ELAPOR1: variants seen among roughly 807,000 people sequenced by gnomAD.
ELAPOR1 encodes endosome-lysosome associated apoptosis and autophagy regulator 1.
In ELAPOR1, 77 loss-of-function variants were observed where a neutral mutation model predicts 119.7. That is an observed-to-expected ratio of 0.64 (90% CI 0.54 to 0.78). The LOEUF is 0.78. ELAPOR1 is among the 30% of genes least tolerant of loss of function. ELAPOR1 has a pLI of 0.00. For synonymous variants in ELAPOR1, 481 were observed against 487.2 expected (o/e 0.99, Z 0.17); for missense variants, 1,115 against 1,270.4 (o/e 0.88, Z 1.86).
intron 1 of ELAPOR1, among the ~76,000 whole-genome samples, chr1:109,137,650 T>C (rs952026764): frequency 1.3e-5 from 2 of 151,922 alleles, no homozygotes; most frequent in African/African-American, 4.8e-5. Context: ...GCCTCAGCCT[T>C]CCTAAGTAGC....
rs767204233 is a variant in ELAPOR1, at chr1:109,172,495, A to G, written c.623A>G (p.Asn208Ser). The G allele has an allele frequency of 1.6e-5, 26 of 1,613,098 alleles. No homozygotes were observed. Among genetic ancestry groups the G allele is most frequent in the Middle Eastern group, 1.6e-4 (1 of 6,084 alleles). ...SSIIFEFFVQ[N>S]DQCQPNADDS... is the part of the protein sequence containing the mutation. ...AAACTCTTTTTATGTCAGGTTCAGAATGACCAGTGCCAGCCCAATGCAGAT... is the reference window on the plus strand; with the variant it reads ...AAACTCTTTTTATGTCAGGTTCAGAGTGACCAGTGCCAGCCCAATGCAGAT... Residue 208 changes from asparagine to serine, a missense_variant, in exon 5 of 22, where the codon AAT becomes AGT. Physicochemically the swap from Asn to Ser is conservative, Grantham distance 46. Coordinates refer to ENST00000369939, the MANE Select transcript of ELAPOR1 (RefSeq NM_020775.5).
chr1:109,128,326 A>G (rs1207611097), intron 1 of ELAPOR1, among the ~76,000 whole-genome samples: 1 of 152,214 alleles, frequency 6.6e-6, no homozygotes, highest in Non-Finnish European at 1.5e-5. Flanking sequence ...TCTAATTGTA[A>G]TAAACCTGCA....
chr1:109,148,026 A>G (rs1227920393), intron 1 of ELAPOR1, among the ~76,000 whole-genome samples: 1 of 147,378 alleles, frequency 6.8e-6, no homozygotes, highest in African/African-American at 2.5e-5. Flanking sequence ...TTTAGTAGAG[A>G]TGGGGTTTCA....
intron 1 of ELAPOR1, among the ~76,000 whole-genome samples, chr1:109,126,591 C>A (rs779324535): frequency 3.9e-5 from 6 of 152,186 alleles, no homozygotes; most frequent in Non-Finnish European, 8.8e-5. Flanking sequence ...CTGCCTCAGC[C>A]TCCCGGGTAA....
At chr1:109,196,193 C>CTAGTCTT (rs1653783428) in intron 15 of ELAPOR1, among the ~76,000 whole-genome samples, 1 of 152,164 alleles carries the variant, frequency 6.6e-6, no homozygotes, top group Admixed American at 6.5e-5. Flanking sequence ...TCTTGAGCAT[C>CTAGTCTT]TAGTCTTTGA....
Position 109,200,813 on chromosome 1 carries a change from C to T in ELAPOR1, c.2886C>T (p.Ala962=), listed in dbSNP as rs767129003. The T allele has an allele frequency of 1.9e-5, 30 of 1,614,186 alleles. No individual in the cohort carries two copies. In the South Asian group the frequency reaches 2.3e-4, roughly 12 times the overall value. The change falls in exon 21 of 22, where the codon GCC becomes GCT. Residue 962 remains alanine (A), a synonymous_variant. Transcript: ENST00000369939. ...ACCTGCCAGCAGCTGACAGCTGCGC[C>T]ATCATGGAAGGCGAGGATGTAGAGG... ...DCDLPAADSC[A]IMEGEDVEDD... is the part of the protein sequence containing the mutation.
chr1:109,180,718 A>G (rs1652638212), intron 7 of ELAPOR1, among the ~76,000 whole-genome samples: 1 of 152,108 alleles, frequency 6.6e-6, no homozygotes, highest in Admixed American at 6.5e-5. Flanking sequence ...TAATCCTAAT[A>G]CTTTGGGAGG....
chr1:109,161,687 A>G, intron 1 of ELAPOR1: 1 of 484,906 alleles, frequency 2.1e-6, no homozygotes, highest in Non-Finnish European at 3.8e-6. Flanking sequence ...ATTTCTAGGG[A>G]CTAGACCATG....
rs568753417 is a variant in ELAPOR1, at chr1:109,195,753, A to G, written c.2121+1159A>G. 2.6e-5 allele frequency among the ~76,000 whole-genome samples: 4 copies of G among 152,260 alleles called. No homozygotes were observed. The South Asian group carries it at 8.3e-4, about 31-fold the overall frequency. The stretch of plus-strand genomic sequence containing the variant: ...ACCATCAGCCATTTCATGCTGCTGC[A>G]AATATTTCAGATCCAAAATTCAAAG... On this transcript the variant is annotated intron_variant, in intron 15 of 21. Coordinates refer to ENST00000369939, the MANE Select transcript of ELAPOR1 (RefSeq NM_020775.5).
At chr1:109,197,398 C>T in intron 15 of ELAPOR1, 76 bp from the exon 16 acceptor site, 4 of 1,307,684 alleles carry the variant, frequency 3.1e-6, no homozygotes, top group Non-Finnish European at 2.2e-6. Context: ...GTAAAAAAGC[C>T]TTCCCTATTC....
intron 1 of ELAPOR1, among the ~76,000 whole-genome samples, chr1:109,136,066 T>A (rs1649448243): frequency 6.6e-6 from 1 of 152,210 alleles, no homozygotes; most frequent in East Asian, 1.9e-4. Flanking sequence ...GAGCTATGCT[T>A]CTCCCCTTAT....
At chr1:109,161,409 CAAAAAAAAAAAAAAA>C (rs59573644) in intron 1 of ELAPOR1, among the ~76,000 whole-genome samples, 3 of 56,332 alleles carry the variant, frequency 5.3e-5, no homozygotes, top group African/African-American at 1.9e-4. Context: ...GACTCCGTCT[CAAAAAAAAAAAAAAA>C]AAAAAAAAAG....
rs940924026 is a variant in ELAPOR1, at chr1:109,205,328, C to A, written c.*2316C>A. ...TGGCATTTGCAAGTGACTAGTCTGC[C>A]ACAAAATGCTCATCTGATTAGCCAC... On this transcript the variant is annotated 3_prime_UTR_variant, in exon 22 of 22. Transcript: ENST00000369939. 1.3e-5 allele frequency: 2 copies of A among 152,196 alleles called. No individual in the cohort carries two copies. Among genetic ancestry groups the A allele is most frequent in the African/African-American group, 4.8e-5 (2 of 41,450 alleles). The allele number at this position is 152,196 out of a possible 1,614,324, so 9.4% of individuals were successfully genotyped here.
intron 1 of ELAPOR1, among the ~76,000 whole-genome samples, chr1:109,146,940 T>C (rs1570639083): frequency 6.6e-6 from 1 of 151,908 alleles, no homozygotes; most frequent in African/African-American, 2.4e-5. Context: ...GAGACTCACT[T>C]TGTCACCCAG....
intron 1 of ELAPOR1, 130 bp downstream of exon 1, chr1:109,114,466 G>T (rs867158470): frequency 2.6e-6 from 3 of 1,136,928 alleles, no homozygotes; most frequent in Non-Finnish European, 2.4e-6. Context: ...ATGAGGCGTG[G>T]GGGGAGGGAA....
At position 109,191,417 on chromosome 1, in the gene ELAPOR1, C is replaced by T. The variant is rs778853026; in HGVS notation, c.1491C>T (p.Ile497=). The T allele has an allele frequency of 6.2e-6, 10 of 1,614,074 alleles. No homozygotes were observed. In the South Asian group the frequency reaches 1.1e-4, roughly 18 times the overall value. Residue 497 remains isoleucine, a synonymous_variant, in exon 12 of 22, where the codon ATC becomes ATT. Transcript: ENST00000369939. ...CAGAGAATAAAGAGGTGGCCAGAAT[C>T]ACATTTGTCTTTGAGACCCTCTGTT... is the stretch of plus-strand genomic sequence containing the variant. ...ADTENKEVAR[I]TFVFETLCSV...
rs1348660042 is a variant in ELAPOR1 at position 109,204,059 on chromosome 1, G to A, written c.*1047G>A. On this transcript the variant is annotated 3_prime_UTR_variant, in exon 22 of 22. Coordinates refer to ENST00000369939, the MANE Select transcript of ELAPOR1 (RefSeq NM_020775.5). ...CCATCTCAACCTCTCAAGTAGCTAGGACTACAAGTGTGCACCACCAGGCTC... is the reference window on the plus strand; with the variant it reads ...CCATCTCAACCTCTCAAGTAGCTAGAACTACAAGTGTGCACCACCAGGCTC... 6.6e-6 allele frequency: 1 copy of A among 151,994 alleles called. No individual in the cohort carries two copies. The highest frequency in any genetic ancestry group is 1.5e-5 in the Non-Finnish European group (1 of 68,032). The allele number at this position is 151,994 out of a possible 1,614,324, so 9.4% of individuals were successfully genotyped here.
chr1:109,195,220 G>A (rs192327921), intron 15 of ELAPOR1, among the ~76,000 whole-genome samples: 9 of 152,252 alleles, frequency 5.9e-5, no homozygotes, highest in Non-Finnish European at 8.8e-5. Context: ...AAGGCTAGGC[G>A]CGGTGGCTCA....
intron 1 of ELAPOR1, among the ~76,000 whole-genome samples, chr1:109,123,810 T>A (rs1648600883): frequency 6.6e-6 from 1 of 152,160 alleles, no homozygotes; most frequent in African/African-American, 2.4e-5. Flanking sequence ...AATATATACT[T>A]TTTTTTGAGA....
Sources: allele counts gnomAD v4.1 joint callset (sites outside exome capture counted in the v4.1 genomes callset), GRCh38; gene constraint gnomAD v4.1.1; transcripts MANE v1.5; gene names NCBI Gene and HGNC (gene_info 2026-07-23, HGNC 2026-07-21).